Variants in KIAA0825 observed in about 807,000 individuals in gnomAD.
The protein encoded by KIAA0825 is KIAA0825.
A neutral mutation model predicts 147.6 loss-of-function variants in KIAA0825; 119 were observed. The observed-to-expected ratio is 0.81, with a 90% CI of 0.69 to 0.94. KIAA0825 has a LOEUF of 0.94. KIAA0825 is among the 40% of genes least tolerant of loss of function. The pLI is 0.00. For missense variants in KIAA0825, 1,381 were observed against 1,472.7 expected, an observed-to-expected ratio of 0.94 and a Z score of 1.02; for synonymous variants, 470 against 518.1, an observed-to-expected ratio of 0.91 and a Z score of 1.26.
At chr5:94,564,993 CCTCTCTCTCTCTCTCCCT>C (rs1778371113) in intron 2 of KIAA0825, among the ~76,000 whole-genome samples, 2 of 125,862 alleles carry the variant, frequency 1.6e-5, no homozygotes, top group Admixed American at 8.2e-5. Context: ...CTTCTCTTCT[CCTCTCTCTCTCTCTCCCT>C]CTCTCTCTCT....
intron 20 of KIAA0825, among the ~76,000 whole-genome samples, chr5:94,343,047 A>G (rs1436888963): frequency 6.6e-6 from 1 of 152,172 alleles, no homozygotes; most frequent in Admixed American, 6.5e-5. Context: ...CAAGATGGAC[A>G]ACATACCTTT....
intron 20 of KIAA0825, among the ~76,000 whole-genome samples, chr5:94,380,382 T>A (rs1748231610): frequency 6.6e-6 from 1 of 152,242 alleles, no homozygotes; most frequent in Admixed American, 6.5e-5. Flanking sequence ...ACTTTTTCTC[T>A]GCATTCTTAT....
At position 94,491,306 on chromosome 5, in the gene KIAA0825, C is replaced by T. The variant is rs558865627; in HGVS notation, c.971-6376G>A. Among the ~76,000 whole-genome samples, 6 of 152,164 alleles carry T rather than the reference C, an allele frequency of 3.9e-5. No individual in the cohort carries two copies. The East Asian group carries it at 7.7e-4, about 20-fold the overall frequency. The stretch of plus-strand genomic sequence containing the variant: ...TGACATAATACAAATGGAAGATCTT[C>T]GCTCCAGTAAAGAAAACTTTTAAAG... On this transcript the variant is annotated intron_variant, in intron 5 of 20. Coordinates refer to ENST00000682413, the MANE Select transcript of KIAA0825 (RefSeq NM_001145678.3).
intron 20 of KIAA0825, among the ~76,000 whole-genome samples, chr5:94,178,749 G>A (rs368415074): frequency 6.6e-6 from 1 of 151,956 alleles, no homozygotes; most frequent in Admixed American, 6.6e-5. Flanking sequence ...ACATGTTTTG[G>A]CCATGTATTA....
intron 20 of KIAA0825, among the ~76,000 whole-genome samples, chr5:94,332,219 TTTTC>T (rs1261146090): frequency 4.6e-5 from 7 of 150,640 alleles, no homozygotes; most frequent in Admixed American, 1.3e-4. Flanking sequence ...CTTTCTTTTC[TTTTC>T]TTTCTTTTTT....
chr5:94,460,956 A>G (rs1321071668), intron 12 of KIAA0825, among the ~76,000 whole-genome samples: 1 of 152,022 alleles, frequency 6.6e-6, no homozygotes, highest in Admixed American at 6.6e-5. Flanking sequence ...TATGTTTTAC[A>G]TTAAGAAAAA....
At position 94,417,211 on chromosome 5, in the gene KIAA0825, A is replaced by G. The variant is rs1379514073; in HGVS notation, c.2652T>C (p.Tyr884=). Residue 884 remains tyrosine (Y), a synonymous_variant, in exon 15 of 21, where the codon TAT becomes TAC. Coordinates refer to ENST00000682413, the MANE Select transcript of KIAA0825 (RefSeq NM_001145678.3). The part of the protein sequence containing the change: ...MEEEQLWDFL[Y]NIPVSTCVEY... ...GTAAATGTCTCATACCTGGGATGTT[A>G]TATAAAAAGTCCCATAATTGCTCTT... 10 of 1,550,596 alleles carry G rather than the reference A, an allele frequency of 6.4e-6. No individual in the cohort carries two copies. The highest frequency in any genetic ancestry group is 4.4e-6 in the Non-Finnish European group (5 of 1,146,372).
intron 5 of KIAA0825, among the ~76,000 whole-genome samples, chr5:94,511,142 G>A (rs1584732828): frequency 6.6e-6 from 1 of 152,066 alleles, no homozygotes; most frequent in Admixed American, 6.6e-5. Context: ...GCCTTTATAA[G>A]CCAAAAGGTA....
intron 2 of KIAA0825, chr5:94,570,072 T>A (rs775398438): frequency 1.3e-5 from 2 of 152,504 alleles, no homozygotes; most frequent in African/African-American, 4.8e-5. Flanking sequence ...CTCACACGAT[T>A]CTTTACCTTC....
intron 20 of KIAA0825, among the ~76,000 whole-genome samples, chr5:94,252,678 G>A (rs997368791): frequency 3.9e-5 from 6 of 151,912 alleles, no homozygotes; most frequent in African/African-American, 1.4e-4. Context: ...CCAGAAAATA[G>A]GAACCATTTA....
chr5:94,224,880 C>T (rs1037241735), intron 20 of KIAA0825, among the ~76,000 whole-genome samples: 1 of 152,128 alleles, frequency 6.6e-6, no homozygotes, highest in Non-Finnish European at 1.5e-5. Context: ...CTTTTATCTG[C>T]CTAGGAAAGT....
chr5:94,546,941 G>A (rs889930853), intron 2 of KIAA0825, among the ~76,000 whole-genome samples: 1 of 151,620 alleles, frequency 6.6e-6, no homozygotes, highest in East Asian at 1.9e-4. Flanking sequence ...TAGCTGTGTT[G>A]AGGAAAATCA....
intron 20 of KIAA0825, among the ~76,000 whole-genome samples, chr5:94,235,830 G>C (rs1160744700): frequency 1.3e-5 from 2 of 152,150 alleles, no homozygotes; most frequent in Non-Finnish European, 2.9e-5. Flanking sequence ...TCCTGTGCTT[G>C]TGCTCTATAA....
chr5:94,367,628 G>A lies in KIAA0825; in HGVS notation c.3710+16740C>T, dbSNP rs574758089. Among the ~76,000 whole-genome samples, 6 of 152,360 alleles carry A rather than the reference G, an allele frequency of 3.9e-5. No individual in the cohort carries two copies. In the South Asian group the frequency reaches 1.2e-3, roughly 32 times the overall value. ...TACTTGGTGAATGACAGGACCAGGT[G>A]AAGGATGCCTTGACATTGGGACTGA... is the stretch of plus-strand genomic sequence containing the variant. On this transcript the variant is annotated intron_variant, in intron 20 of 20. Coordinates refer to ENST00000682413, the MANE Select transcript of KIAA0825 (RefSeq NM_001145678.3).
chr5:94,444,372 A>G (rs1757478725), intron 13 of KIAA0825, among the ~76,000 whole-genome samples: 1 of 152,158 alleles, frequency 6.6e-6, no homozygotes, highest in Non-Finnish European at 1.5e-5. Flanking sequence ...AACCCTACTT[A>G]TCATGAGGAG....
chr5:94,556,045 G>C (rs1237854484), intron 2 of KIAA0825, among the ~76,000 whole-genome samples: 1 of 150,370 alleles, frequency 6.7e-6, no homozygotes, highest in African/African-American at 2.4e-5. Context: ...CAGTTTATGA[G>C]ACATCAATTA....
intron 20 of KIAA0825, among the ~76,000 whole-genome samples, chr5:94,328,431 T>G (rs1241504155): frequency 6.6e-6 from 1 of 152,052 alleles, no homozygotes; most frequent in Non-Finnish European, 1.5e-5. Flanking sequence ...TTTCTCACCT[T>G]TAACAATACA....
At chr5:94,368,362 A>T (rs1746166120) in intron 20 of KIAA0825, among the ~76,000 whole-genome samples, 1 of 152,102 alleles carries the variant, frequency 6.6e-6, no homozygotes, top group African/African-American at 2.4e-5. Context: ...TTGTAGAAAT[A>T]GGGTTTCTGC....
In KIAA0825 at chr5:94,170,331, C is replaced by T. The variant is rs554171447; in HGVS notation, c.3711-16207G>A. 2.0e-4 allele frequency among the ~76,000 whole-genome samples: 30 copies of T among 152,042 alleles called. No individual in the cohort carries two copies. In the South Asian group the frequency reaches 4.8e-3, roughly 24 times the overall value. On this transcript the variant is annotated intron_variant, in intron 20 of 20. Transcript: ENST00000682413. ...CAAAACAAAACAAAACAAAACAAAA[C>T]GAAAACAATAGTGAAACATGAACTA...
Sources: allele counts gnomAD v4.1 joint callset (sites outside exome capture counted in the v4.1 genomes callset), GRCh38; gene constraint gnomAD v4.1.1; transcripts MANE v1.5; gene names NCBI Gene and HGNC (gene_info 2026-07-23, HGNC 2026-07-21).